MYO1D: variants seen among roughly 807,000 people sequenced by gnomAD.
MYO1D encodes the protein unconventional myosin-Id.
In MYO1D, 83 loss-of-function variants were observed where a neutral mutation model predicts 122.0. The ratio of observed to expected loss-of-function variants is 0.68; its 90% CI spans 0.57 to 0.82. MYO1D has a LOEUF of 0.82. Among genes scored for constraint, MYO1D ranks in the 40% least tolerant of loss-of-function variants. The pLI is 0.00. For missense variants in MYO1D, 1,157 were observed against 1,269.5 expected, an observed-to-expected ratio of 0.91 and a Z score of 1.35; for synonymous variants, 464 against 446.9, an observed-to-expected ratio of 1.04 and a Z score of -0.48.
At chr17:32,653,407 G>A (rs1237978760) in intron 19 of MYO1D, among the ~76,000 whole-genome samples, 1 of 151,670 alleles carries the variant, frequency 6.6e-6, no homozygotes, top group African/African-American at 2.4e-5. Flanking sequence ...AGGAGTTCGA[G>A]ACCAGCCTGA....
chr17:32,536,600 G>T (rs945169997), intron 21 of MYO1D, among the ~76,000 whole-genome samples: 1 of 152,142 alleles, frequency 6.6e-6, no homozygotes, highest in African/African-American at 2.4e-5. Context: ...TTTTCAAGTG[G>T]ATAATTCTAA....
At chr17:32,683,281 G>A (rs993953907) in intron 16 of MYO1D, among the ~76,000 whole-genome samples, 28 of 152,038 alleles carry the variant, frequency 1.8e-4, no homozygotes, top group Non-Finnish European at 3.4e-4. Context: ...GCTTTGTTCC[G>A]TTGCTGGTGA....
At chr17:32,690,185 C>T (rs79631583) in intron 16 of MYO1D, among the ~76,000 whole-genome samples, 1 of 141,168 alleles carries the variant, frequency 7.1e-6, no homozygotes, top group African/African-American at 2.6e-5. Flanking sequence ...GAGTGTTTAT[C>T]TTTTTTTTTT....
chr17:32,828,948 GAC>G (rs1442888067), intron 1 of MYO1D, among the ~76,000 whole-genome samples: 1 of 152,182 alleles, frequency 6.6e-6, no homozygotes, highest in Non-Finnish European at 1.5e-5. Context: ...ATTAGTAAGT[GAC>G]AGTCAGAAGG....
In MYO1D at chr17:32,721,152, T is replaced by C. The variant is rs1353059199; in HGVS notation, c.1784A>G (p.Lys595Arg). Reference protein sequence around the residue: ...YYVRCIKPNDKKSPQIFDDER... With the variant: ...YYVRCIKPNDRKSPQIFDDER... ...ATCATCAAATATCTGTGGAGATTTCTTGTCATTGGGTTTGATGCAACGAAC... is the reference window on the plus strand; with the variant it reads ...ATCATCAAATATCTGTGGAGATTTCCTGTCATTGGGTTTGATGCAACGAAC... Residue 595 changes from lysine to arginine, a missense_variant, in exon 15 of 22, where the codon AAG becomes AGG. Physicochemically the swap from Lys to Arg is conservative, Grantham distance 26 (BLOSUM62 2). Coordinates refer to ENST00000318217, the MANE Select transcript of MYO1D (RefSeq NM_015194.3). 2.5e-6 allele frequency: 4 copies of C among 1,614,100 alleles called. No individual in the cohort carries two copies. Among genetic ancestry groups the C allele is most frequent in the Admixed American group, 1.7e-5 (1 of 60,024 alleles).
At chr17:32,497,916 A>C (rs574056767) in intron 21 of MYO1D, 3 of 152,470 alleles carry the variant, frequency 2.0e-5, no homozygotes, top group Non-Finnish European at 2.9e-5. Flanking sequence ...ACAGCTGCTC[A>C]GTCCCCTCCC....
intron 20 of MYO1D, among the ~76,000 whole-genome samples, chr17:32,615,447 C>T (rs1399966232): frequency 6.6e-6 from 1 of 152,150 alleles, no homozygotes; most frequent in Admixed American, 6.5e-5. Context: ...ACTGAAAGTG[C>T]CATCTGGCTT....
intron 19 of MYO1D, among the ~76,000 whole-genome samples, chr17:32,648,253 C>G (rs1014786560): frequency 1.3e-5 from 2 of 151,994 alleles, no homozygotes; most frequent in African/African-American, 4.8e-5. Context: ...GCCTCTATCA[C>G]GTTGAGTTGA....
At chr17:32,660,163 C>G (rs886817739) in intron 16 of MYO1D, among the ~76,000 whole-genome samples, 3 of 152,326 alleles carry the variant, frequency 2.0e-5, no homozygotes, top group East Asian at 3.9e-4. Context: ...CTTTCCCTTT[C>G]TGCTACCAGT....
chr17:32,674,991 AG>A (rs1331103142), intron 16 of MYO1D, among the ~76,000 whole-genome samples: 1 of 152,234 alleles, frequency 6.6e-6, no homozygotes, highest in Non-Finnish European at 1.5e-5. Context: ...AATTGATAGA[AG>A]GGGGAATGAC....
intron 21 of MYO1D, among the ~76,000 whole-genome samples, chr17:32,535,815 G>T (rs139403062): frequency 4.6e-5 from 7 of 152,276 alleles, no homozygotes; most frequent in Middle Eastern, 3.4e-3. Flanking sequence ...ACTCAATAGC[G>T]TTTAGATAAT....
intron 1 of MYO1D, among the ~76,000 whole-genome samples, chr17:32,845,594 T>A (rs754407289): frequency 6.6e-6 from 1 of 152,180 alleles, no homozygotes. Flanking sequence ...TGTATCCAGG[T>A]TCTTGACTTG....
intron 21 of MYO1D, among the ~76,000 whole-genome samples, chr17:32,548,748 G>T (rs2086986545): frequency 2.1e-5 from 3 of 141,652 alleles, no homozygotes; most frequent in African/African-American, 7.9e-5. Flanking sequence ...GAGTCTCACT[G>T]TGTTGCCCAG....
chr17:32,612,167 G>C (rs777191959), intron 20 of MYO1D, among the ~76,000 whole-genome samples: 10 of 152,120 alleles, frequency 6.6e-5, no homozygotes, highest in Non-Finnish European at 1.5e-4. Context: ...GGAGGACGAG[G>C]GGTTATAGAT....
At chr17:32,623,385 C>T (rs146967869) in intron 20 of MYO1D, among the ~76,000 whole-genome samples, 507 of 147,284 alleles carry the variant, frequency 3.4e-3, no homozygotes, top group African/African-American at 0.012. Flanking sequence ...TATTTAATGG[C>T]TACAGTCCAG....
intron 21 of MYO1D, among the ~76,000 whole-genome samples, chr17:32,552,435 T>TCCATCCATCCATCCATCCATCCATCCAC (rs1343743911): frequency 6.6e-6 from 1 of 151,358 alleles, no homozygotes; most frequent in African/African-American, 2.4e-5. Flanking sequence ...CATCCATCCA[T>TCCATCCATCCATCCATCCATCCATCCAC]CCATCCATCC....
At chr17:32,752,391 T>TCAAAAACAAATGTGA (rs1956818217) in intron 11 of MYO1D, among the ~76,000 whole-genome samples, 1 of 151,976 alleles carries the variant, frequency 6.6e-6, no homozygotes, top group Admixed American at 6.6e-5. Context: ...GACCAAGACC[T>TCAAAAACAAATGTGA]CAAAAACAAA....
intron 21 of MYO1D, among the ~76,000 whole-genome samples, chr17:32,535,131 A>T (rs1172792715): frequency 6.6e-6 from 1 of 152,212 alleles, no homozygotes; most frequent in African/African-American, 2.4e-5. Context: ...CAAATCAAGC[A>T]TGTATGTTAT....
intron 21 of MYO1D, among the ~76,000 whole-genome samples, chr17:32,540,394 C>T (rs1427394091): frequency 6.8e-6 from 1 of 146,832 alleles, no homozygotes; most frequent in African/African-American, 2.5e-5. Context: ...CTTTGCAAAT[C>T]ATATATCTGA....
Sources: allele counts gnomAD v4.1 joint callset (sites outside exome capture counted in the v4.1 genomes callset), GRCh38; gene constraint gnomAD v4.1.1; transcripts MANE v1.5; gene names NCBI Gene and HGNC (gene_info 2026-07-23, HGNC 2026-07-21).